The following RBFOX1 variants were observed in gnomAD, a reference collection of about 807,000 sequenced individuals.
RBFOX1 encodes RNA binding protein fox-1 homolog 1.
In RBFOX1, 8 loss-of-function variants were observed where a neutral mutation model predicts 57.7. The observed-to-expected ratio is 0.14, with a 90% CI of 0.08 to 0.25. The LOEUF (loss-of-function observed/expected upper bound fraction) is 0.25, where lower values mean the gene tolerates loss of function less well. Among genes scored for constraint, RBFOX1 ranks in the 10% least tolerant of loss-of-function variants. RBFOX1 has a pLI of 1.00. For missense variants in RBFOX1, 611 were observed against 548.5 expected (o/e 1.11, Z -1.14); for synonymous variants, 326 against 222.4 (o/e 1.47, Z -4.15).
At chr16:5,932,524 C>G (rs187397517) in intron 4 of RBFOX1, among the ~76,000 whole-genome samples, 3 of 152,336 alleles carry the variant, frequency 2.0e-5, no homozygotes, top group Admixed American at 2.0e-4. Context: ...TCTGCCCTTA[C>G]AGAACTGTGA....
chr16:5,735,803 G>T (rs1323017547), intron 3 of RBFOX1, among the ~76,000 whole-genome samples: 1 of 152,144 alleles, frequency 6.6e-6, no homozygotes, highest in Non-Finnish European at 1.5e-5. Context: ...TTGAACTCGG[G>T]AGGCGGAGGT....
In RBFOX1 at chr16:5,390,680, GA is replaced by G. The variant is rs1382205502; in HGVS notation, c.220-76534del. Among the ~76,000 whole-genome samples the G allele has an allele frequency of 5.3e-5, 8 of 152,240 alleles. No individual in the cohort carries two copies. In the East Asian group the frequency reaches 1.5e-3, roughly 29 times the overall value. Reference sequence around the variant, plus strand: ...CCTCATCTTTGAAGGTGGCTGGAATGAAGCTCTACCCCTCTACCCCATCTCC... The same window carrying G: ...CCTCATCTTTGAAGGTGGCTGGAATGAGCTCTACCCCTCTACCCCATCTCC... On this transcript the variant is annotated intron_variant, in intron 1 of 2. Coordinates refer to the RBFOX1 transcript ENST00000585867.
intron 12 of RBFOX1, among the ~76,000 whole-genome samples, chr16:7,654,187 T>G (rs921895277): frequency 6.6e-6 from 1 of 152,244 alleles, no homozygotes; most frequent in African/African-American, 2.4e-5. Context: ...CACATGTTGT[T>G]ATGTAAATTC....
intron 2 of RBFOX1, among the ~76,000 whole-genome samples, chr16:6,589,949 AAAG>A (rs1379919429): frequency 2.6e-5 from 4 of 152,180 alleles, no homozygotes; most frequent in African/African-American, 9.7e-5. Context: ...AGCTTGAAGA[AAAG>A]AATCAATAAT....
At chr16:5,960,211 A>AG (rs1407654107) in intron 4 of RBFOX1, among the ~76,000 whole-genome samples, 4 of 152,260 alleles carry the variant, frequency 2.6e-5, no homozygotes, top group Middle Eastern at 3.4e-3. Flanking sequence ...AAGAAGAAGA[A>AG]AGAAAGAAAA....
chr16:7,133,284 C>T (rs992235769), intron 4 of RBFOX1, among the ~76,000 whole-genome samples: 6 of 152,046 alleles, frequency 3.9e-5, no homozygotes, highest in African/African-American at 1.4e-4. Flanking sequence ...TGTATATAAG[C>T]CATGGAGAGT....
At chr16:6,313,751 C>T (rs111620649) in intron 1 of RBFOX1, among the ~76,000 whole-genome samples, 4 of 151,904 alleles carry the variant, frequency 2.6e-5, no homozygotes, top group African/African-American at 9.7e-5. Context: ...CCACTGGGAC[C>T]TGAGATTCTC....
intron 2 of RBFOX1, among the ~76,000 whole-genome samples, chr16:5,533,602 T>A (rs964208923): frequency 1.3e-5 from 2 of 152,176 alleles, no homozygotes; most frequent in Non-Finnish European, 2.9e-5. Flanking sequence ...CCAGTAGACA[T>A]CTCAGCATGG....
At chr16:5,404,615 C>G (rs756635276) in intron 1 of RBFOX1, among the ~76,000 whole-genome samples, 1 of 152,164 alleles carries the variant, frequency 6.6e-6, no homozygotes, top group Non-Finnish European at 1.5e-5. Context: ...ATGGTTCCCA[C>G]GTTAGCTCTG....
chr16:5,726,683 T>G (rs2052164360), intron 3 of RBFOX1, among the ~76,000 whole-genome samples: 1 of 152,250 alleles, frequency 6.6e-6, no homozygotes, highest in Non-Finnish European at 1.5e-5. Flanking sequence ...TCTACTGTAT[T>G]ATTTGCAATG....
chr16:6,924,200 A>AATG (rs1555630237), intron 3 of RBFOX1, among the ~76,000 whole-genome samples: 349 of 151,966 alleles, frequency 2.3e-3, no homozygotes, highest in African/African-American at 7.7e-3. Flanking sequence ...TAATAGCAAT[A>AATG]ATGCCACCTG....
chr16:5,945,159 C>T (rs897208024), intron 4 of RBFOX1, among the ~76,000 whole-genome samples: 1 of 152,070 alleles, frequency 6.6e-6, no homozygotes, highest in East Asian at 1.9e-4. Context: ...GGACATTGAG[C>T]AAGTCATTAC....
chr16:6,336,175 ATATATATTTTTTTTTTTTTT>A (rs2083683648), intron 2 of RBFOX1, among the ~76,000 whole-genome samples: 2 of 31,462 alleles, frequency 6.4e-5, no homozygotes, highest in African/African-American at 9.2e-5. Flanking sequence ...ATATATATAT[ATATATATTTTTTTTTTTTTT>A]TTTTTTTTTT....
intron 4 of RBFOX1, among the ~76,000 whole-genome samples, chr16:7,243,498 G>C (rs1003889617): frequency 2.0e-5 from 3 of 152,136 alleles, no homozygotes; most frequent in African/African-American, 7.2e-5. Context: ...ATATGTTGTG[G>C]CTAAGCAGAA....
chr16:6,687,936 G>A (rs1183310349), intron 3 of RBFOX1, among the ~76,000 whole-genome samples: 1 of 152,198 alleles, frequency 6.6e-6, no homozygotes, highest in Admixed American at 6.5e-5. Flanking sequence ...CAATCATCTT[G>A]AGTGAGAGCT....
chr16:6,801,611 T>C (rs561444071), intron 3 of RBFOX1, among the ~76,000 whole-genome samples: 98 of 151,994 alleles, frequency 6.4e-4, no homozygotes, highest in Non-Finnish European at 1.2e-3. Flanking sequence ...AGGAGACTCA[T>C]GTGTCCATCA....
intron 4 of RBFOX1, among the ~76,000 whole-genome samples, chr16:7,294,879 C>T (rs931036334): frequency 6.6e-6 from 1 of 152,072 alleles, no homozygotes; most frequent in Non-Finnish European, 1.5e-5. Context: ...TCATTTTGTT[C>T]AACAGACCAG....
In RBFOX1 at chr16:7,523,432, A is replaced by T. The variant is rs1236838753; in HGVS notation, c.270+5043A>T. Among the ~76,000 whole-genome samples the T allele has an allele frequency of 2.6e-5, 4 of 152,236 alleles. No homozygotes were observed. In the East Asian group the frequency reaches 5.8e-4, roughly 22 times the overall value. Reference sequence around the variant, plus strand: ...CATTTTTTCCATGAATGGAGGCAGCATCATCAAAGGAAGGATTCCTGAACT... The same window carrying T: ...CATTTTTTCCATGAATGGAGGCAGCTTCATCAAAGGAAGGATTCCTGAACT... On this transcript the variant is annotated intron_variant, in intron 5 of 15. Coordinates refer to ENST00000550418, the MANE Select transcript of RBFOX1 (RefSeq NM_018723.4).
rs187739131 is a variant in RBFOX1, at chr16:7,301,539, C to T, written c.28-216608C>T. ...AGGGGTTCCAACTTTGGGGAGAAAA[C>T]GGACTGGAAAATCTGTATTGCCTTA... On this transcript the variant is annotated intron_variant, in intron 4 of 15. Transcript: ENST00000550418. 7.1e-4 allele frequency among the ~76,000 whole-genome samples: 108 copies of T among 152,276 alleles called. 1 individual carries two copies. The highest frequency in any genetic ancestry group is 2.1e-4 in the Non-Finnish European group (14 of 68,022).
Sources: allele counts gnomAD v4.1 joint callset (sites outside exome capture counted in the v4.1 genomes callset), GRCh38; gene constraint gnomAD v4.1.1; transcripts MANE v1.5; gene names NCBI Gene and HGNC (gene_info 2026-07-23, HGNC 2026-07-21).